The following KIF6 variants were observed in gnomAD, a reference collection of about 807,000 sequenced individuals.
The protein encoded by KIF6 is kinesin-like protein KIF6.
A neutral mutation model predicts 112.7 loss-of-function variants in KIF6; 106 were observed. The ratio of observed to expected loss-of-function variants is 0.94; its 90% CI spans 0.80 to 1.11. The LOEUF (loss-of-function observed/expected upper bound fraction) is 1.11, where lower values mean the gene tolerates loss of function less well. KIF6 is among the 50% of genes least tolerant of loss of function. The pLI, the probability that KIF6 is intolerant of heterozygous loss-of-function variation, is 0.00. For synonymous variants in KIF6, 339 were observed against 339.9 expected (o/e 1.00, Z 0.03); for missense variants, 929 against 964.0 (o/e 0.96, Z 0.48).
chr6:39,539,531 G>C (rs1201730290), intron 13 of KIF6, among the ~76,000 whole-genome samples: 1 of 152,108 alleles, frequency 6.6e-6, no homozygotes, highest in Admixed American at 6.6e-5. Flanking sequence ...TTTTAGTAGA[G>C]ATAGGGTTTC....
intron 4 of KIF6, among the ~76,000 whole-genome samples, chr6:39,639,182 T>C (rs568811637): frequency 2.4e-4 from 36 of 152,266 alleles, no homozygotes; most frequent in Non-Finnish European, 4.7e-4. Context: ...ACGGTATTTG[T>C]ACTTTGGTAA....
At chr6:39,537,275 T>A (rs1415461501) in intron 13 of KIF6, among the ~76,000 whole-genome samples, 1 of 152,180 alleles carries the variant, frequency 6.6e-6, no homozygotes. Flanking sequence ...GAAGTCAAAT[T>A]GTCCCTGTTT....
At chr6:39,357,410 T>C (rs750709295) in intron 18 of KIF6, 36 bp from the exon 19 acceptor site, 2 of 1,267,136 alleles carry the variant, frequency 1.6e-6, no homozygotes, top group Non-Finnish European at 2.3e-6. Context: ...AGTGTTAGCT[T>C]GAATCTAATG....
intron 13 of KIF6, among the ~76,000 whole-genome samples, chr6:39,439,102 A>G (rs1238774541): frequency 6.6e-6 from 1 of 152,204 alleles, no homozygotes; most frequent in African/African-American, 2.4e-5. Flanking sequence ...TCACCTTATG[A>G]CGCATTTCTC....
intron 3 of KIF6, among the ~76,000 whole-genome samples, chr6:39,658,119 A>G (rs1785908560): frequency 6.6e-6 from 1 of 152,248 alleles, no homozygotes; most frequent in Non-Finnish European, 1.5e-5. Flanking sequence ...CATTTTATGT[A>G]TGCATTATGT....
chr6:39,562,534 C>A (rs1561812907), intron 10 of KIF6, among the ~76,000 whole-genome samples: 3 of 152,180 alleles, frequency 2.0e-5, no homozygotes, highest in Non-Finnish European at 2.9e-5. Context: ...CACATAAACT[C>A]CTTAGAAGAA....
intron 15 of KIF6, among the ~76,000 whole-genome samples, chr6:39,419,278 T>C: frequency 7.7e-6 from 1 of 130,222 alleles, no homozygotes; most frequent in Non-Finnish European, 1.6e-5. Flanking sequence ...CACTTGAACC[T>C]GGGAGGTGGA....
chr6:39,635,863 C>T (rs763399941), intron 4 of KIF6, among the ~76,000 whole-genome samples: 3 of 152,016 alleles, frequency 2.0e-5, no homozygotes, highest in African/African-American at 4.8e-5. Context: ...TCCATTTCCG[C>T]AAATATTATC....
rs770007068 is a variant in KIF6, at chr6:39,418,782, C to T, written c.1810+1166G>A. On this transcript the variant is annotated intron_variant, in intron 15 of 22. Transcript: ENST00000287152. ...AGGGGACTGTGGGGCTCCTGTTTAC[C>T]GACCGAGACAAACTGAGGCTATCGT... Among the ~76,000 whole-genome samples, 7 of 152,070 alleles carry T rather than the reference C, an allele frequency of 4.6e-5. No homozygotes were observed. In the South Asian group the frequency reaches 6.2e-4, roughly 14 times the overall value.
chr6:39,356,793 G>T (rs1409533265), intron 19 of KIF6, among the ~76,000 whole-genome samples: 1 of 152,132 alleles, frequency 6.6e-6, no homozygotes, highest in African/African-American at 2.4e-5. Flanking sequence ...TAGAGTCCCT[G>T]CTGGTCATCC....
intron 6 of KIF6, among the ~76,000 whole-genome samples, chr6:39,601,288 T>C (rs551142341): frequency 6.6e-6 from 1 of 152,222 alleles, no homozygotes; most frequent in Admixed American, 6.6e-5. Flanking sequence ...CCAAATATCC[T>C]TTATCTCTCA....
intron 22 of KIF6, among the ~76,000 whole-genome samples, chr6:39,337,215 C>CTTTCTTTCTTTCTTTCTTTCT (rs1763058231): frequency 1.1e-5 from 1 of 94,950 alleles, no homozygotes; most frequent in Non-Finnish European, 1.8e-5. Context: ...TTCTTTCTTT[C>CTTTCTTTCTTTCTTTCTTTCT]TTTCTTTCTT....
At chr6:39,379,512 T>A (rs762582725) in intron 16 of KIF6, among the ~76,000 whole-genome samples, 2 of 152,102 alleles carry the variant, frequency 1.3e-5, no homozygotes, top group African/African-American at 4.8e-5. Flanking sequence ...AAATAAATAA[T>A]TACAAAATAG....
At chr6:39,337,155 T>TTTTCTTTCTTTTCTTTCTTTC in intron 22 of KIF6, among the ~76,000 whole-genome samples, 1 of 53,698 alleles carries the variant, frequency 1.9e-5, no homozygotes, top group East Asian at 4.7e-4. Context: ...TTTCTCTTTC[T>TTTTCTTTCTTTTCTTTCTTTC]TTTCTTTCTT....
At chr6:39,715,141 A>G (rs1789758955) in intron 2 of KIF6, among the ~76,000 whole-genome samples, 1 of 152,248 alleles carries the variant, frequency 6.6e-6, no homozygotes, top group African/African-American at 2.4e-5. Flanking sequence ...GTAAACAGCC[A>G]AGGAACTTCT....
chr6:39,435,049 A>G (rs1039407930), intron 13 of KIF6, among the ~76,000 whole-genome samples: 2 of 152,200 alleles, frequency 1.3e-5, no homozygotes, highest in Non-Finnish European at 1.5e-5. Context: ...TGAGGCTTAC[A>G]TAAATAAGTG....
intron 13 of KIF6, among the ~76,000 whole-genome samples, chr6:39,432,144 A>G (rs1771206363): frequency 6.6e-6 from 1 of 152,180 alleles, no homozygotes; most frequent in African/African-American, 2.4e-5. Flanking sequence ...GCCACTTCAC[A>G]TGGCAATCCT....
chr6:39,458,134 C>A (rs879273208), intron 13 of KIF6, among the ~76,000 whole-genome samples: 4 of 146,828 alleles, frequency 2.7e-5, no homozygotes, highest in South Asian at 4.2e-4. Flanking sequence ...AAAATACTGG[C>A]AAACCGAATC....
At chr6:39,623,618 T>C (rs1268226321) in intron 5 of KIF6, among the ~76,000 whole-genome samples, 2 of 152,216 alleles carry the variant, frequency 1.3e-5, no homozygotes, top group Non-Finnish European at 2.9e-5. Flanking sequence ...TAATAGATAA[T>C]AGCTGGCCAG....
Sources: gnomAD v4.1 joint callset for allele counts (sites outside exome capture counted in the v4.1 genomes callset) on GRCh38, gnomAD v4.1.1 for gene constraint, MANE v1.5 for transcripts, NCBI Gene and HGNC (gene_info 2026-07-23, HGNC 2026-07-21) for gene names.